Variants in NASP observed in about 807,000 individuals in gnomAD.
NASP encodes the protein nuclear autoantigenic sperm protein, also known as NASP histone chaperone.
A neutral mutation model predicts 89.5 loss-of-function variants in NASP; 24 were observed. The observed-to-expected ratio is 0.27, with a 90% CI of 0.19 to 0.38. The LOEUF (loss-of-function observed/expected upper bound fraction) is 0.38. NASP is among the 10% of genes least tolerant of loss of function. The pLI, the probability that NASP is intolerant of heterozygous loss-of-function variation, is 1.00. For missense variants in NASP, 848 were observed against 921.4 expected (o/e 0.92, Z 1.03); for synonymous variants, 306 against 324.7 (o/e 0.94, Z 0.62).
At chr1:45,613,488 A>C (rs905442791) in intron 7 of NASP, among the ~76,000 whole-genome samples, 1 of 151,996 alleles carries the variant, frequency 6.6e-6, no homozygotes, top group African/African-American at 2.4e-5. Flanking sequence ...AGGCACGATT[A>C]TTATTTTTTT....
At chr1:45,612,357 CAG>C (rs1222054144) in intron 6 of NASP, 2 of 152,074 alleles carry the variant, frequency 1.3e-5, no homozygotes, top group African/African-American at 4.8e-5. Flanking sequence ...TGAAAGATGG[CAG>C]AGAGAGGCAT....
chr1:45,616,423 TACA>T, intron 12 of NASP, 30 bp downstream of exon 12: 3 of 1,608,026 alleles, frequency 1.9e-6, no homozygotes, highest in Non-Finnish European at 2.6e-6. Flanking sequence ...TTTGGTCACT[TACA>T]TTAAGTCTCA....
intron 6 of NASP, among the ~76,000 whole-genome samples, chr1:45,608,627 T>A (rs1643951109): frequency 6.6e-6 from 1 of 151,950 alleles, no homozygotes; most frequent in Non-Finnish European, 1.5e-5. Flanking sequence ...TGTTGCAGCA[T>A]ACTAGCCAAT....
In NASP at chr1:45,617,987, CTG is replaced by C. The variant is rs982762238; in HGVS notation, c.2287-73_2287-72del. On this transcript the variant is annotated intron_variant, in intron 14 of 14. Coordinates refer to ENST00000350030, the MANE Select transcript of NASP (RefSeq NM_002482.4). ...GGTGACTTGTATATGCTTCCTATGA[CTG>C]AGGCCTCAGTTATATAAGACAGAAT... 1.3e-5 allele frequency: 17 copies of C among 1,348,938 alleles called. No individual in the cohort carries two copies. In the African/African-American group the frequency reaches 2.2e-4, roughly 17 times the overall value. 83.6% of individuals were successfully genotyped at this position (1,348,938 alleles called of 1,614,324 possible).
At chr1:45,604,107 C>T (rs946932735) in intron 3 of NASP, among the ~76,000 whole-genome samples, 2 of 152,090 alleles carry the variant, frequency 1.3e-5, no homozygotes, top group Non-Finnish European at 2.9e-5. Context: ...GTAGACTACC[C>T]TTAAACATGA....
chr1:45,584,831 T>G (rs1043829111), intron 1 of NASP, among the ~76,000 whole-genome samples: 3 of 152,168 alleles, frequency 2.0e-5, no homozygotes, highest in Admixed American at 6.5e-5. Context: ...ACTATCTCCG[T>G]GGGGCCGGCG....
rs1261729533 is a variant in NASP at position 45,615,429 on chromosome 1, G to T, written c.1980G>T (p.Gln660His). The stretch of plus-strand genomic sequence containing the variant: ...AGATAGAAGATGCAAAGGAGTCTCA[G>T]CGTAGTGGGAATGTAGCTGAACTGG... ...REKIEDAKESQRSGNVAELAL... is the reference protein window; with the variant it reads ...REKIEDAKESHRSGNVAELAL... The change falls in exon 11 of 15, where the codon CAG (glutamine) becomes CAT (histidine). Residue 660 changes from glutamine (Q) to histidine (H), a missense_variant. By Grantham distance (24) the Gln-to-His change is conservative. This residue lies in a region of NASP where 218 missense variants were observed against 219.6 expected (regional missense o/e 0.99). Transcript: ENST00000350030. 3 of 1,614,098 alleles carry T rather than the reference G, an allele frequency of 1.9e-6. No individual in the cohort carries two copies. The highest frequency in any genetic ancestry group is 2.5e-6 in the Non-Finnish European group (3 of 1,180,012).
intron 1 of NASP, among the ~76,000 whole-genome samples, chr1:45,588,017 A>T (rs915868353): frequency 6.6e-6 from 1 of 151,768 alleles, no homozygotes; most frequent in African/African-American, 2.4e-5. Context: ...ACACGGGCAT[A>T]TCACTTGAAG....
chr1:45,594,754 C>T (rs1366261498), intron 2 of NASP: 1 of 454,970 alleles, frequency 2.2e-6, no homozygotes, highest in African/African-American at 2.0e-5. Context: ...CCTCAGCCAC[C>T]TGAAGTGCTG....
chr1:45,617,108 G>T (rs1644120416), intron 13 of NASP: 1 of 304,722 alleles, frequency 3.3e-6, no homozygotes, highest in East Asian at 8.6e-5. Context: ...ATCCCAAAGT[G>T]CTGGGATTAT....
intron 2 of NASP, among the ~76,000 whole-genome samples, chr1:45,599,951 G>GTTTTTTTTTTTTTTTTTTTTTTT (rs1375366938): frequency 9.8e-6 from 1 of 101,942 alleles, no homozygotes; most frequent in African/African-American, 4.3e-5. Flanking sequence ...CTTTTCCTCT[G>GTTTTTTTTTTTTTTTTTTTTTTT]TATTTTTTTT....
chr1:45,611,855 CT>C lies in NASP; in HGVS notation c.1427-1292del, dbSNP rs997981433. ...GTCCTCAGTAAATTTGTTAAAGTAT[CT>C]TTTTTTTTTTTTTTTTTTTTTGAGA... On this transcript the variant is annotated intron_variant, in intron 6 of 14. Coordinates refer to ENST00000350030, the MANE Select transcript of NASP (RefSeq NM_002482.4). 4.7e-3 allele frequency: 493 copies of C among 105,206 alleles called. 1 individual carries two copies. The highest frequency in any genetic ancestry group is 0.013 in the African/African-American group (337 of 25,142). The allele number at this position is 105,206 out of a possible 1,614,324, so 6.5% of individuals were successfully genotyped here.
chr1:45,585,428 T>G (rs949268180), intron 1 of NASP, among the ~76,000 whole-genome samples: 1 of 152,156 alleles, frequency 6.6e-6, no homozygotes, highest in Admixed American at 6.6e-5. Flanking sequence ...TACCACCTTT[T>G]CTCTCTGCGT....
At chr1:45,584,501 G>T (rs980195581) in intron 1 of NASP, among the ~76,000 whole-genome samples, 1 of 152,184 alleles carries the variant, frequency 6.6e-6, no homozygotes, top group Non-Finnish European at 1.5e-5. Context: ...CCCCCAGCCC[G>T]GGGCGGTTGG....
At chr1:45,604,283 G>A (rs898425326) in intron 3 of NASP, among the ~76,000 whole-genome samples, 3 of 152,110 alleles carry the variant, frequency 2.0e-5, no homozygotes, top group African/African-American at 4.8e-5. Context: ...TTATACTTAC[G>A]TAATTTTTGT....
At position 45,607,594 on chromosome 1, in the gene NASP, C is replaced by T. The variant is rs759852007; in HGVS notation, c.683C>T (p.Thr228Ile). The T allele has an allele frequency of 1.2e-6, 2 of 1,613,916 alleles. No individual in the cohort carries two copies. Among genetic ancestry groups the T allele is most frequent in the Non-Finnish European group, 1.7e-6 (2 of 1,179,902 alleles). ...GAAGGACCGAATGAAGCTGAGGTCA[C>T]TTCTGGGAAGCCAGAACAGGAAGTA... Reference protein sequence around the residue: ...APEGPNEAEVTSGKPEQEVPD... With the variant: ...APEGPNEAEVISGKPEQEVPD... Residue 228 changes from threonine to isoleucine, a missense_variant, in exon 6 of 15, where the codon ACT becomes ATT. By Grantham distance (89) the Thr-to-Ile change is moderately conservative. This residue lies in a region of NASP where 464 missense variants were observed against 469.4 expected (regional missense o/e 0.99). Coordinates refer to ENST00000350030, the MANE Select transcript of NASP (RefSeq NM_002482.4).
intron 1 of NASP, among the ~76,000 whole-genome samples, chr1:45,587,687 T>TATATATATATATATATATATA (rs66829841): frequency 2.3e-3 from 176 of 78,084 alleles, no homozygotes; most frequent in Non-Finnish European, 2.6e-3. Flanking sequence ...TATATATATA[T>TATATATATATATATATATATA]AATTAATTTT....
chr1:45,603,547 T>A (rs541560834), intron 3 of NASP, among the ~76,000 whole-genome samples: 1 of 152,216 alleles, frequency 6.6e-6, no homozygotes, highest in African/African-American at 2.4e-5. Context: ...TTCCTCTCTG[T>A]TTGACCTTAA....
At chr1:45,614,919 A>G in intron 9 of NASP, 94 bp from the exon 10 acceptor site, 1 of 1,025,960 alleles carries the variant, frequency 9.7e-7, no homozygotes, top group Non-Finnish European at 1.4e-6. Flanking sequence ...GGAATGTTAA[A>G]TATGGGTGCA....
Sources: allele counts gnomAD v4.1 joint callset (sites outside exome capture counted in the v4.1 genomes callset), GRCh38; gene constraint gnomAD v4.1.1; regional missense constraint gnomAD v4.1.1; transcripts MANE v1.5; gene names NCBI Gene and HGNC (gene_info 2026-07-23, HGNC 2026-07-21).